TPST2: variants seen among roughly 807,000 people sequenced by gnomAD.
TPST2 encodes the protein tyrosylprotein sulfotransferase 2, also known as protein-tyrosine sulfotransferase 2.
TPST2 carries 16 observed loss-of-function variants against 27.8 expected under a neutral mutation model. The ratio of observed to expected loss-of-function variants is 0.58; its 90% CI spans 0.39 to 0.88. The LOEUF is 0.88. TPST2 is among the 40% of genes least tolerant of loss of function. The pLI, the probability that TPST2 is intolerant of heterozygous loss-of-function variation, is 0.00. For synonymous variants in TPST2, 229 were observed against 231.7 expected, an observed-to-expected ratio of 0.99 and a Z score of 0.10; for missense variants, 464 against 543.1, an observed-to-expected ratio of 0.85 and a Z score of 1.45.
intron 1 of TPST2, among the ~76,000 whole-genome samples, chr22:26,564,944 G>C (rs913729016): frequency 1.3e-5 from 2 of 152,190 alleles, no homozygotes; most frequent in Non-Finnish European, 1.5e-5. Context: ...GCAGTGAAAT[G>C]AGGACGTAAC....
At chr22:26,589,367 T>A (rs185766432) in intron 1 of TPST2, among the ~76,000 whole-genome samples, 1 of 152,006 alleles carries the variant, frequency 6.6e-6, no homozygotes, top group Non-Finnish European at 1.5e-5. Context: ...TCTGAGCCCA[T>A]GCTCCCAGTC....
intron 1 of TPST2, among the ~76,000 whole-genome samples, chr22:26,551,968 A>C (rs1485547932): frequency 7.3e-6 from 1 of 137,060 alleles, no homozygotes; most frequent in Non-Finnish European, 1.5e-5. Context: ...GGCTCACTGC[A>C]GCCTCAAACA....
intron 1 of TPST2, among the ~76,000 whole-genome samples, chr22:26,558,041 C>T (rs867537414): frequency 1.4e-5 from 2 of 145,832 alleles, no homozygotes; most frequent in Admixed American, 6.9e-5. Flanking sequence ...AGGGAGACTC[C>T]GTCTCAAAAA....
intron 1 of TPST2, among the ~76,000 whole-genome samples, chr22:26,564,993 A>G (rs916133606): frequency 6.6e-6 from 1 of 152,104 alleles, no homozygotes; most frequent in African/African-American, 2.4e-5. Flanking sequence ...CAAACAGAGA[A>G]TACTGTCTGC....
chr22:26,585,716 C>A (rs1330673127), intron 1 of TPST2, among the ~76,000 whole-genome samples: 1 of 152,166 alleles, frequency 6.6e-6, no homozygotes, highest in Non-Finnish European at 1.5e-5. Flanking sequence ...TACATCTGAT[C>A]TGCCACTCTT....
In TPST2 at chr22:26,541,361, C is replaced by G. The variant is rs4822735; in HGVS notation, c.270G>C (p.Ala90=). ...CCTCGCCGCAGCGCACCTCGGGGTGCGCGTCCAGCATGGCGCGCATCAACG... is the reference window on the plus strand; with the variant it reads ...CCTCGCCGCAGCGCACCTCGGGGTGGGCGTCCAGCATGGCGCGCATCAACG... The part of the protein sequence containing the change: ...GTTLMRAMLD[A]HPEVRCGEET... The change falls in exon 3 of 7, where the codon GCG becomes GCC. Residue 90 remains alanine, a synonymous_variant. Transcript: ENST00000338754. This position sits in a 1 kb window ranked among gnomAD's most constrained non-coding sequence, Gnocchi z 5.9. The G allele has an allele frequency of 0.91, 1,415,656 of 1,548,478 alleles. 648,185 individuals carry two copies. Among genetic ancestry groups the G allele is most frequent in the East Asian group, 1 (44,186 of 44,200 alleles).
intron 1 of TPST2, among the ~76,000 whole-genome samples, chr22:26,574,862 G>A (rs1019375037): frequency 3.3e-5 from 5 of 152,082 alleles, no homozygotes; most frequent in African/African-American, 1.2e-4. Flanking sequence ...CAACTAGAAG[G>A]GGTCCAGGAG....
chr22:26,530,260 C>G (rs943978330), intron 5 of TPST2, among the ~76,000 whole-genome samples: 3 of 152,012 alleles, frequency 2.0e-5, no homozygotes, highest in African/African-American at 4.8e-5. Flanking sequence ...TTTTTTTGTC[C>G]ACCTGAATAT....
At chr22:26,567,499 T>C (rs915744322) in intron 1 of TPST2, among the ~76,000 whole-genome samples, 2 of 152,228 alleles carry the variant, frequency 1.3e-5, no homozygotes, top group African/African-American at 4.8e-5. Context: ...CAGTTCCATC[T>C]ATACACCAGT....
chr22:26,586,764 A>T (rs1173596243), intron 1 of TPST2, among the ~76,000 whole-genome samples: 1 of 152,224 alleles, frequency 6.6e-6, no homozygotes, highest in African/African-American at 2.4e-5. Context: ...CCAGCAGAGT[A>T]CAGGTTCAAG....
rs16982346 is a variant in TPST2 at position 26,560,845 on chromosome 22, C to T, written c.-160-16170G>A. 8.1e-3 allele frequency: 12,906 copies of T among 1,584,112 alleles called. 1,182 individuals are homozygous for T. In the Admixed American group the frequency reaches 0.17, roughly 21 times the overall value. On this transcript the variant is annotated intron_variant, in intron 1 of 6. Coordinates refer to ENST00000338754, the MANE Select transcript of TPST2 (RefSeq NM_003595.5). ...CCTTCGGCCTTCTTCCTGTTCTGCT[C>T]TGCGTATCGCCCAAAAATCAAAGGA...
chr22:26,530,907 G>T (rs1174727502), intron 5 of TPST2, among the ~76,000 whole-genome samples: 2 of 151,994 alleles, frequency 1.3e-5, no homozygotes, highest in African/African-American at 2.4e-5. Flanking sequence ...TACTTGAGAG[G>T]CTGAGGCAGG....
chr22:26,546,047 A>C (rs1053359432), intron 1 of TPST2, among the ~76,000 whole-genome samples: 1 of 150,960 alleles, frequency 6.6e-6, no homozygotes. Flanking sequence ...ACTGCACTAC[A>C]GTCTGGGCAA....
intron 2 of TPST2, among the ~76,000 whole-genome samples, chr22:26,544,108 A>T (rs1417439940): frequency 6.6e-6 from 1 of 152,220 alleles, no homozygotes; most frequent in East Asian, 1.9e-4. Flanking sequence ...GCCACTTGCC[A>T]GCTGGTGATC....
chr22:26,567,408 G>A (rs888899814), intron 1 of TPST2, among the ~76,000 whole-genome samples: 3 of 152,186 alleles, frequency 2.0e-5, no homozygotes, highest in South Asian at 2.1e-4. Context: ...GGATGACTTA[G>A]GTTGAAAGCC....
chr22:26,549,796 C>T (rs1392699640), intron 1 of TPST2, among the ~76,000 whole-genome samples: 6 of 149,410 alleles, frequency 4.0e-5, no homozygotes, highest in South Asian at 2.1e-4. Context: ...TTTGGGAGGC[C>T]GAGGCAGGTG....
At chr22:26,586,151 T>C (rs1417715697) in intron 1 of TPST2, among the ~76,000 whole-genome samples, 2 of 152,078 alleles carry the variant, frequency 1.3e-5, no homozygotes, top group African/African-American at 4.8e-5. Flanking sequence ...CTCAGTAGGG[T>C]ACACTGACAC....
At chr22:26,565,764 T>C (rs1339496917) in intron 1 of TPST2, 2 of 152,290 alleles carry the variant, frequency 1.3e-5, no homozygotes, top group Admixed American at 6.5e-5. Flanking sequence ...ATATATAAAA[T>C]ATTATCATCA....
chr22:26,547,679 G>A (rs4370), intron 1 of TPST2: 54,857 of 151,870 alleles, frequency 0.36, 10,384 homozygotes, highest in African/African-American at 0.45. Context: ...CAAGCAGGGG[G>A]TGGTGCACGC....
Sources: gnomAD v4.1 joint callset for allele counts (sites outside exome capture counted in the v4.1 genomes callset) on GRCh38, gnomAD v4.1.1 for gene constraint, Gnocchi (gnomAD v3.1) non-coding constraint, MANE v1.5 for transcripts, NCBI Gene and HGNC (gene_info 2026-07-23, HGNC 2026-07-21) for gene names.